The following BOLL variants were observed in gnomAD, a reference collection of about 807,000 sequenced individuals.
The protein encoded by BOLL is protein boule-like.
BOLL carries 23 observed loss-of-function variants against 44.4 expected under a neutral mutation model. The ratio of observed to expected loss-of-function variants is 0.52; its 90% CI spans 0.37 to 0.73. The LOEUF (loss-of-function observed/expected upper bound fraction) is 0.73, where lower values mean the gene tolerates loss of function less well. Ranked by LOEUF, BOLL falls within the 30% of genes least tolerant of loss-of-function variation. The pLI is 0.00. For synonymous variants in BOLL, 97 were observed against 110.8 expected (o/e 0.88, Z 0.78); for missense variants, 287 against 338.3 (o/e 0.85, Z 1.19).
intron 6 of BOLL, among the ~76,000 whole-genome samples, chr2:197,767,406 T>A (rs1260607381): frequency 6.6e-6 from 1 of 152,000 alleles, no homozygotes; most frequent in Non-Finnish European, 1.5e-5. Context: ...GACTATGGTA[T>A]GCTAATAAAA....
intron 3 of BOLL, among the ~76,000 whole-genome samples, 196 bp from the exon 4 acceptor site, chr2:197,777,309 A>C (rs1689563387): frequency 6.6e-6 from 1 of 151,906 alleles, no homozygotes; most frequent in Non-Finnish European, 1.5e-5. Flanking sequence ...AGGAACTAAA[A>C]GAAAAAAAAC....
chr2:197,756,537 G>T lies in BOLL; in HGVS notation c.620C>A (p.Pro207Gln). The T allele has an allele frequency of 1.2e-6, 2 of 1,609,336 alleles. No individual in the cohort carries two copies. The highest frequency in any genetic ancestry group is 2.2e-5 in the South Asian group (2 of 90,318). Residue 207 changes from proline (P) to glutamine (Q), a missense_variant, in exon 9 of 11, where the codon CCA (proline) becomes CAA (glutamine). By Grantham distance (76) the Pro-to-Gln change is moderately conservative. Coordinates refer to ENST00000392296, the MANE Select transcript of BOLL (RefSeq NM_033030.6). ...CTCAGAAGGTTGCAGGTATAAGAAT[G>T]GAGCAGAAGAGGCAGAAGGCTAAAA... ...SVPQPSASSA[P>Q]FLYLQPSEVI...
At chr2:197,758,607 A>G (rs1688619571) in intron 7 of BOLL, among the ~76,000 whole-genome samples, 2 of 152,322 alleles carry the variant, frequency 1.3e-5, no homozygotes, top group South Asian at 4.1e-4. Context: ...TGTTTTATTT[A>G]CAAAAACAGG....
chr2:197,777,004 T>C (rs1689545221), intron 4 of BOLL, 55 bp downstream of exon 4: 2 of 1,330,950 alleles, frequency 1.5e-6, no homozygotes, highest in Admixed American at 4.1e-5. Context: ...CCGAAAAGAT[T>C]AGTTTCAAAT....
intron 10 of BOLL, among the ~76,000 whole-genome samples, chr2:197,741,689 G>C (rs1687740704): frequency 6.6e-6 from 1 of 151,898 alleles, no homozygotes; most frequent in African/African-American, 2.4e-5. Flanking sequence ...TTACATGTTA[G>C]ACCTAAAACC....
chr2:197,733,142 T>C (rs1412887191), intron 10 of BOLL, among the ~76,000 whole-genome samples: 1 of 128,792 alleles, frequency 7.8e-6, no homozygotes, highest in African/African-American at 3.0e-5. Flanking sequence ...TGTACAAAAA[T>C]CACAAGCATT....
chr2:197,777,247 G>T, intron 3 of BOLL, 134 bp from the exon 4 acceptor site: 1 of 448,680 alleles, frequency 2.2e-6, no homozygotes, highest in Non-Finnish European at 3.8e-6. Flanking sequence ...TGCTGCACTA[G>T]CATGGGAATC....
intron 3 of BOLL, among the ~76,000 whole-genome samples, chr2:197,778,705 C>T (rs1386441783): frequency 6.6e-6 from 1 of 151,694 alleles, no homozygotes; most frequent in Non-Finnish European, 1.5e-5. Context: ...CTGCTACTTA[C>T]ATTAAGTGCT....
chr2:197,749,017 G>A (rs972428775), intron 9 of BOLL, among the ~76,000 whole-genome samples: 1 of 152,222 alleles, frequency 6.6e-6, no homozygotes, highest in African/African-American at 2.4e-5. Flanking sequence ...TGTCCCTCTG[G>A]GACGAAGCTT....
At chr2:197,784,473 C>A (rs1689966558) in intron 1 of BOLL, among the ~76,000 whole-genome samples, 1 of 135,098 alleles carries the variant, frequency 7.4e-6, no homozygotes, top group African/African-American at 2.8e-5. Context: ...GCTCTGTCGC[C>A]AGGCTGGAGT....
chr2:197,749,422 G>C (rs1410121915), intron 9 of BOLL, among the ~76,000 whole-genome samples: 1 of 151,858 alleles, frequency 6.6e-6, no homozygotes, highest in Non-Finnish European at 1.5e-5. Flanking sequence ...TTCAGAGGTG[G>C]GTAATAAACT....
At chr2:197,770,109 G>A (rs1689172959) in intron 6 of BOLL, among the ~76,000 whole-genome samples, 1 of 152,072 alleles carries the variant, frequency 6.6e-6, no homozygotes, top group Non-Finnish European at 1.5e-5. Context: ...TATACTACAA[G>A]GCTACAGTAA....
chr2:197,746,008 T>G (rs1056546611), intron 9 of BOLL, among the ~76,000 whole-genome samples: 7 of 152,202 alleles, frequency 4.6e-5, no homozygotes, highest in Non-Finnish European at 1.0e-4. Context: ...TTTATATAAT[T>G]TTTCTTGTCT....
chr2:197,747,795 A>G (rs976785105), intron 9 of BOLL, among the ~76,000 whole-genome samples: 4 of 152,302 alleles, frequency 2.6e-5, no homozygotes, highest in Non-Finnish European at 4.4e-5. Context: ...AAAACATACC[A>G]TGCACATGGT....
intron 10 of BOLL, among the ~76,000 whole-genome samples, chr2:197,738,525 C>T (rs911064726): frequency 7.2e-5 from 11 of 152,206 alleles, no homozygotes; most frequent in African/African-American, 2.2e-4. Flanking sequence ...TAGGCTGTGG[C>T]TTACAGCCAA....
chr2:197,728,428 G>C lies in BOLL; in HGVS notation c.*127C>G. On this transcript the variant is annotated 3_prime_UTR_variant, in exon 11 of 11. Transcript: ENST00000392296. ...TTATAGTGGAATAACTGAGTATGGT[G>C]AGGTATTAACTAACACTAAGTTTCA... is the stretch of plus-strand genomic sequence containing the variant. 1 of 1,398,318 alleles carries C rather than the reference G, an allele frequency of 7.2e-7. No homozygotes were observed. Among genetic ancestry groups the C allele is most frequent in the Non-Finnish European group, 1.0e-6 (1 of 993,728 alleles). The allele number at this position is 1,398,318 out of a possible 1,614,324, so 86.6% of individuals were successfully genotyped here.
At chr2:197,766,674 A>G (rs1689016316) in intron 6 of BOLL, 71 bp from the exon 7 acceptor site, 1 of 1,111,074 alleles carries the variant, frequency 9.0e-7, no homozygotes, top group Non-Finnish European at 1.3e-6. Flanking sequence ...TTTATCTCAA[A>G]TTATTACCTA....
chr2:197,755,660 G>T (rs191325507), intron 9 of BOLL, among the ~76,000 whole-genome samples: 25 of 152,276 alleles, frequency 1.6e-4, no homozygotes, highest in African/African-American at 5.5e-4. Context: ...ACCAAACACT[G>T]CACGTTCTCA....
chr2:197,757,587 T>C (rs867815972), intron 7 of BOLL, among the ~76,000 whole-genome samples, 187 bp from the exon 8 acceptor site: 5 of 152,200 alleles, frequency 3.3e-5, no homozygotes, highest in Admixed American at 1.3e-4. Flanking sequence ...TATACATCTC[T>C]TAGAAAAAAA....
Sources: allele counts gnomAD v4.1 joint callset (sites outside exome capture counted in the v4.1 genomes callset), GRCh38; gene constraint gnomAD v4.1.1; transcripts MANE v1.5; gene names NCBI Gene and HGNC (gene_info 2026-07-23, HGNC 2026-07-21).